Variants in RNMT observed in about 807,000 individuals in gnomAD.
RNMT encodes RNA guanine-7 methyltransferase.
In RNMT, 27 loss-of-function variants were observed where a neutral mutation model predicts 56.0. The ratio of observed to expected loss-of-function variants is 0.48; its 90% CI spans 0.36 to 0.67. RNMT has a LOEUF of 0.67. RNMT is among the 30% of genes least tolerant of loss of function. RNMT has a pLI of 0.00. For missense variants in RNMT, 519 were observed against 552.1 expected (o/e 0.94, Z 0.60); for synonymous variants, 184 against 176.2 (o/e 1.04, Z -0.35).
intron 1 of RNMT, among the ~76,000 whole-genome samples, chr18:13,729,752 G>A (rs879351025): frequency 1.3e-4 from 20 of 151,714 alleles, no homozygotes; most frequent in Non-Finnish European, 2.5e-4. Context: ...TATCCAAAAG[G>A]CTTTTTATTT....
At position 13,740,283 on chromosome 18, in the gene RNMT, C is replaced by T; in HGVS notation, c.792+4C>T. The T allele has an allele frequency of 1.5e-6, 2 of 1,366,940 alleles. No homozygotes were observed. Among genetic ancestry groups the T allele is most frequent in the Non-Finnish European group, 2.1e-6 (2 of 968,192 alleles). The allele number at this position is 1,366,940 out of a possible 1,614,324, so 84.7% of individuals were successfully genotyped here. On this transcript the variant is annotated splice_donor_region_variant and intron_variant, in intron 6 of 11. Coordinates refer to ENST00000383314, the MANE Select transcript of RNMT (RefSeq NM_003799.3). ...TATAACTGCTGACAGCTCAAAGGTA[C>T]AGTTTCTTTCTTTGGTCAATTTATT...
intron 1 of RNMT, among the ~76,000 whole-genome samples, chr18:13,728,846 ATTGAG>A (rs2044020552): frequency 1.3e-5 from 2 of 151,226 alleles, no homozygotes. Flanking sequence ...TTTTTTTGCT[ATTGAG>A]TTGAGTTTCT....
Position 13,763,385 on chromosome 18 carries a change from C to T in RNMT, c.*3406C>T, listed in dbSNP as rs2044642750. On this transcript the variant is annotated 3_prime_UTR_variant, in exon 12 of 12. Coordinates refer to ENST00000383314, the MANE Select transcript of RNMT (RefSeq NM_003799.3). ...CTGCTCCCATGTAGGCCTAAAGTCA[C>T]CCCACTCCTTAGTGCCTGCACCTCA... 1 of 290,358 alleles carries T rather than the reference C, an allele frequency of 3.4e-6. No individual in the cohort carries two copies. Among genetic ancestry groups the T allele is most frequent in the Admixed American group, 4.0e-5 (1 of 24,784 alleles). The allele number at this position is 290,358 out of a possible 1,614,324, so 18.0% of individuals were successfully genotyped here.
In RNMT at chr18:13,731,732, G is replaced by A; in HGVS notation, c.215G>A (p.Ser72Asn). 1.2e-6 allele frequency: 2 copies of A among 1,613,276 alleles called. No individual in the cohort carries two copies. The highest frequency in any genetic ancestry group is 1.7e-6 in the Non-Finnish European group (2 of 1,179,794). Reference protein sequence around the residue: ...FEDDLVKESSSCGKDTPSKKR... With the variant: ...FEDDLVKESSNCGKDTPSKKR... ...GATGATCTTGTAAAGGAAAGTTCTAGTTGTGGGAAAGACACTCCATCCAAG... is the reference window on the plus strand; with the variant it reads ...GATGATCTTGTAAAGGAAAGTTCTAATTGTGGGAAAGACACTCCATCCAAG... Residue 72 changes from serine (S) to asparagine (N), a missense_variant, in exon 3 of 12, where the codon AGT becomes AAT. Ser to Asn is a conservative substitution (Grantham distance 46). Coordinates refer to ENST00000383314, the MANE Select transcript of RNMT (RefSeq NM_003799.3).
intron 8 of RNMT, 24 bp downstream of exon 8, chr18:13,742,676 C>T (rs1252069052): frequency 1.3e-6 from 2 of 1,556,254 alleles, no homozygotes; most frequent in African/African-American, 1.4e-5. Context: ...AATCTGTTCA[C>T]TCTTTTCTTT....
intron 11 of RNMT, among the ~76,000 whole-genome samples, chr18:13,755,663 C>T (rs1431400623): frequency 6.6e-6 from 1 of 152,138 alleles, no homozygotes; most frequent in Non-Finnish European, 1.5e-5. Context: ...TACTAGAAAT[C>T]GGACTGGAGG....
chr18:13,760,098 T>C lies in RNMT; in HGVS notation c.*119T>C. On this transcript the variant is annotated 3_prime_UTR_variant, in exon 12 of 12. Transcript: ENST00000383314. ...TTTTAATTCTAAATGTGCAGGATGCTGCCAGAAACTCCAATGTAGAAATTC... is the reference window on the plus strand; with the variant it reads ...TTTTAATTCTAAATGTGCAGGATGCCGCCAGAAACTCCAATGTAGAAATTC... 15 of 1,443,356 alleles carry C rather than the reference T, an allele frequency of 1.0e-5. No homozygotes were observed. Among genetic ancestry groups the C allele is most frequent in the Non-Finnish European group, 1.4e-5 (15 of 1,092,416 alleles). The allele number at this position is 1,443,356 out of a possible 1,614,324, so 89.4% of individuals were successfully genotyped here. A position where few individuals can be genotyped will look rare whatever the true frequency, so the allele number is the denominator to read the frequency against.
At chr18:13,748,406 G>A (rs2044386084) in intron 9 of RNMT, among the ~76,000 whole-genome samples, 1 of 152,216 alleles carries the variant, frequency 6.6e-6, no homozygotes, top group African/African-American at 2.4e-5. Flanking sequence ...GACATGACCA[G>A]ATAAGAGTTA....
At chr18:13,750,726 G>A (rs186898699) in intron 9 of RNMT, among the ~76,000 whole-genome samples, 18 of 152,082 alleles carry the variant, frequency 1.2e-4, no homozygotes, top group South Asian at 6.3e-4. Flanking sequence ...ACTTGAGCTC[G>A]GGAGGCCAAG....
rs1184271419 is a variant in RNMT at position 13,761,410 on chromosome 18, G to A, written c.*1431G>A. 4 of 985,460 alleles carry A rather than the reference G, an allele frequency of 4.1e-6. No homozygotes were observed. Among genetic ancestry groups the A allele is most frequent in the Middle Eastern group, 5.2e-4 (1 of 1,914 alleles). The allele number at this position is 985,460 out of a possible 1,614,324, so 61.0% of individuals were successfully genotyped here. ...GTCTTCCTGTCACATATGCAGGTTCGTTTTCATTCTAGGGCAGTGCCAGGA... is the reference window on the plus strand; with the variant it reads ...GTCTTCCTGTCACATATGCAGGTTCATTTTCATTCTAGGGCAGTGCCAGGA... On this transcript the variant is annotated 3_prime_UTR_variant, in exon 12 of 12. Coordinates refer to ENST00000383314, the MANE Select transcript of RNMT (RefSeq NM_003799.3).
At chr18:13,759,367 T>C (rs2149110055) in intron 11 of RNMT, among the ~76,000 whole-genome samples, 1 of 152,302 alleles carries the variant, frequency 6.6e-6, no homozygotes, top group East Asian at 1.9e-4. Flanking sequence ...GAAACCTTAT[T>C]TCAGGGAGAG....
At position 13,762,412 on chromosome 18, in the gene RNMT, ACT is replaced by A. The variant is rs761494516; in HGVS notation, c.*2436_*2437del. ...AAAGTATTGCAATTCTGTGAGAGTG[ACT>A]CTGCAGAGTCACTGCACCATCAGGC... On this transcript the variant is annotated 3_prime_UTR_variant, in exon 12 of 12. Coordinates refer to ENST00000383314, the MANE Select transcript of RNMT (RefSeq NM_003799.3). 4.9e-5 allele frequency: 21 copies of A among 426,728 alleles called. No homozygotes were observed. Among genetic ancestry groups the A allele is most frequent in the Non-Finnish European group, 7.6e-5 (18 of 236,354 alleles). The allele number at this position is 426,728 out of a possible 1,614,324, so 26.4% of individuals were successfully genotyped here.
chr18:13,741,642 A>G lies in RNMT; in HGVS notation c.925A>G (p.Ser309Gly). The G allele has an allele frequency of 6.2e-7, 1 of 1,613,960 alleles. No individual in the cohort carries two copies. The highest frequency in any genetic ancestry group is 8.5e-7 in the Non-Finnish European group (1 of 1,179,898). Reference protein sequence around the residue: ...MMLRNACERLSPGGYFIGTTP... With the variant: ...MMLRNACERLGPGGYFIGTTP... Reference sequence around the variant, plus strand: ...GCTGAGAAATGCGTGTGAGAGACTTAGCCCTGGGGGCTATTTTATTGGTAC... The same window carrying G: ...GCTGAGAAATGCGTGTGAGAGACTTGGCCCTGGGGGCTATTTTATTGGTAC... The change falls in exon 7 of 12, where the codon AGC becomes GGC. Residue 309 changes from serine (S) to glycine (G), a missense_variant. Ser to Gly is a moderately conservative substitution (Grantham distance 56). Coordinates refer to ENST00000383314, the MANE Select transcript of RNMT (RefSeq NM_003799.3).
intron 2 of RNMT, among the ~76,000 whole-genome samples, 163 bp downstream of exon 2, chr18:13,730,918 A>G (rs1264652663): frequency 6.6e-6 from 1 of 152,236 alleles, no homozygotes; most frequent in Non-Finnish European, 1.5e-5. Flanking sequence ...AAATGGAACT[A>G]GTGCATGTGT....
chr18:13,760,214 G>A lies in RNMT; in HGVS notation c.*235G>A. ...CTTTAAAAATCTATTTTTAGGTAAT[G>A]TTCTAAGAATTCCATTTGCCTCTAT... On this transcript the variant is annotated 3_prime_UTR_variant, in exon 12 of 12. Coordinates refer to ENST00000383314, the MANE Select transcript of RNMT (RefSeq NM_003799.3). 1 of 1,227,312 alleles carries A rather than the reference G, an allele frequency of 8.1e-7. No individual in the cohort carries two copies. The highest frequency in any genetic ancestry group is 3.0e-5 in the South Asian group (1 of 33,554). The allele number at this position is 1,227,312 out of a possible 1,614,324, so 76.0% of individuals were successfully genotyped here. A position where few individuals can be genotyped will look rare whatever the true frequency, so the allele number is the denominator to read the frequency against.
In RNMT at chr18:13,737,108, G is replaced by A; in HGVS notation, c.652G>A (p.Gly218Arg). 1.2e-6 allele frequency: 2 copies of A among 1,610,862 alleles called. No individual in the cohort carries two copies. Among genetic ancestry groups the A allele is most frequent in the Non-Finnish European group, 1.7e-6 (2 of 1,177,548 alleles). The change falls in exon 5 of 12, where the codon GGA (glycine) becomes AGA (arginine). Residue 218 changes from glycine (G) to arginine (R), a missense_variant. Transcript: ENST00000383314. ...KGGDLLKWKK[G>R]RINKLVCTDI... ...TGGAGATTTGCTGAAATGGAAAAAA[G>A]GAAGAATTAACAAGCTAGTTTGTAC...
Position 13,760,052 on chromosome 18 carries a change from T to A in RNMT, c.*73T>A. 1 of 1,567,544 alleles carries A rather than the reference T, an allele frequency of 6.4e-7. No homozygotes were observed. Among genetic ancestry groups the A allele is most frequent in the East Asian group, 2.3e-5 (1 of 43,890 alleles). ...TTTGAACAACTCATCTCGATATATT[T>A]GATATTTCTCTGTCTGTTGATTTTA... On this transcript the variant is annotated 3_prime_UTR_variant, in exon 12 of 12. Transcript: ENST00000383314.
chr18:13,736,842 TTA>T (rs1318632334), intron 4 of RNMT, among the ~76,000 whole-genome samples, 166 bp from the exon 5 acceptor site: 1 of 152,220 alleles, frequency 6.6e-6, no homozygotes, highest in African/African-American at 2.4e-5. Context: ...TAATCAACTC[TTA>T]GTCATATTTT....
intron 11 of RNMT, among the ~76,000 whole-genome samples, chr18:13,757,363 C>T (rs1001456759): frequency 6.6e-6 from 1 of 152,098 alleles, no homozygotes; most frequent in Non-Finnish European, 1.5e-5. Flanking sequence ...TGTTTGATAG[C>T]GTTTTACCCA....
Sources: gnomAD v4.1 joint callset for allele counts (sites outside exome capture counted in the v4.1 genomes callset) on GRCh38, gnomAD v4.1.1 for gene constraint, MANE v1.5 for transcripts, NCBI Gene and HGNC (gene_info 2026-07-23, HGNC 2026-07-21) for gene names.